ALDH1A1: variants seen among roughly 807,000 people sequenced by gnomAD.
The protein encoded by ALDH1A1 is aldehyde dehydrogenase 1A1.
In ALDH1A1, 19 loss-of-function variants were observed where a neutral mutation model predicts 62.1. That is an observed-to-expected ratio of 0.31 (90% CI 0.21 to 0.45). The LOEUF is 0.45. Ranked by LOEUF, ALDH1A1 falls within the 20% of genes least tolerant of loss-of-function variation. The pLI is 1.00. For missense variants in ALDH1A1, 521 were observed against 607.1 expected (o/e 0.86, Z 1.49); for synonymous variants, 231 against 215.9 (o/e 1.07, Z -0.61).
intron 9 of ALDH1A1, among the ~76,000 whole-genome samples, chr9:72,915,868 G>C (rs963273916): frequency 6.6e-6 from 1 of 152,156 alleles, no homozygotes; most frequent in South Asian, 2.1e-4. Context: ...TTAGTTAATT[G>C]AATTTACTTT....
chr9:72,924,526 T>G (rs1830181301), intron 6 of ALDH1A1, among the ~76,000 whole-genome samples: 1 of 152,224 alleles, frequency 6.6e-6, no homozygotes, highest in Non-Finnish European at 1.5e-5. Context: ...GATCTAACAT[T>G]TTTTAGTTCC....
intron 1 of ALDH1A1, among the ~76,000 whole-genome samples, chr9:72,948,525 A>G (rs1375030362): frequency 1.3e-5 from 2 of 151,836 alleles, no homozygotes; most frequent in Admixed American, 1.3e-4. Flanking sequence ...TGCATGTGGT[A>G]AGACCTCTGG....
At chr9:72,913,755 A>T (rs949995092) in intron 9 of ALDH1A1, among the ~76,000 whole-genome samples, 11 of 152,232 alleles carry the variant, frequency 7.2e-5, no homozygotes, top group Non-Finnish European at 1.3e-4. Flanking sequence ...TGCTACCGAC[A>T]ATGTGGTCCT....
chr9:72,926,569 G>A (rs1178595228), intron 5 of ALDH1A1, among the ~76,000 whole-genome samples: 1 of 152,172 alleles, frequency 6.6e-6, no homozygotes, highest in East Asian at 1.9e-4. Flanking sequence ...GAGGATCTGA[G>A]CCTCTTATCT....
chr9:72,909,536 G>A, intron 11 of ALDH1A1, 66 bp downstream of exon 11: 5 of 1,415,344 alleles, frequency 3.5e-6, no homozygotes, highest in Non-Finnish European at 4.7e-6. Flanking sequence ...GTCTGAAAAA[G>A]TTCAAGGTAG....
chr9:72,940,284 C>A (rs201264487), intron 1 of ALDH1A1, 32 bp from the exon 2 acceptor site: 1 of 1,537,870 alleles, frequency 6.5e-7, no homozygotes, highest in Non-Finnish European at 9.0e-7. Flanking sequence ...ACATACAAGG[C>A]GCTTAAATAT....
chr9:72,923,872 C>T, intron 7 of ALDH1A1, 147 bp downstream of exon 7: 1 of 542,052 alleles, frequency 1.8e-6, no homozygotes. Flanking sequence ...TATATTCTAT[C>T]CATATGTTTG....
At chr9:72,939,836 T>C (rs1385194088) in intron 2 of ALDH1A1, among the ~76,000 whole-genome samples, 1 of 152,120 alleles carries the variant, frequency 6.6e-6, no homozygotes, top group African/African-American at 2.4e-5. Flanking sequence ...CTCTACTTTA[T>C]AACCTATGAT....
rs573672594 is a variant in ALDH1A1, at chr9:72,937,446, G to A, written c.171+2702C>T. ...GGCTTTAAATAAGTATAAAACCCGGGCATGACTGAAGGTTTAGGATATGCC... is the reference window on the plus strand; with the variant it reads ...GGCTTTAAATAAGTATAAAACCCGGACATGACTGAAGGTTTAGGATATGCC... On this transcript the variant is annotated intron_variant, in intron 2 of 12. Coordinates refer to ENST00000297785, the MANE Select transcript of ALDH1A1 (RefSeq NM_000689.5). Among the ~76,000 whole-genome samples, 3 of 152,108 alleles carry A rather than the reference G, an allele frequency of 2.0e-5. No individual in the cohort carries two copies. The South Asian group carries it at 6.2e-4, about 31-fold the overall frequency.
In ALDH1A1 at chr9:72,909,602, C is replaced by G; in HGVS notation, c.1358G>C (p.Trp453Ser). The change falls in exon 11 of 13, where the codon TGG (tryptophan) becomes TCG (serine). Residue 453 changes from tryptophan to serine, a missense_variant and splice_region_variant. Coordinates refer to ENST00000297785, the MANE Select transcript of ALDH1A1 (RefSeq NM_000689.5). The stretch of plus-strand genomic sequence containing the variant: ...GCTACATTCCTTAGGTTGGACTTAC[C>G]ACACTGTTCCTGCCTGCAGAGCAGA... ...ISSALQAGTV[W>S]VNCYGVVSAQ... 1 of 1,609,052 alleles carries G rather than the reference C, an allele frequency of 6.2e-7. No homozygotes were observed. Among genetic ancestry groups the G allele is most frequent in the Non-Finnish European group, 8.5e-7 (1 of 1,178,028 alleles).
intron 1 of ALDH1A1, among the ~76,000 whole-genome samples, chr9:72,948,829 A>C (rs970816665): frequency 6.6e-6 from 1 of 151,840 alleles, no homozygotes; most frequent in Admixed American, 6.6e-5. Context: ...TTGTTAAATA[A>C]GAGGAAGGGA....
At chr9:72,908,168 C>T (rs1829900289) in intron 11 of ALDH1A1, among the ~76,000 whole-genome samples, 1 of 151,774 alleles carries the variant, frequency 6.6e-6, no homozygotes, top group South Asian at 2.1e-4. Flanking sequence ...GCCTGTAATC[C>T]CAGCACCTTG....
chr9:72,923,372 G>T (rs906238321), intron 7 of ALDH1A1, among the ~76,000 whole-genome samples: 1 of 152,020 alleles, frequency 6.6e-6, no homozygotes, highest in East Asian at 1.9e-4. Context: ...TTTTTGCATG[G>T]TACAGTATGC....
At chr9:72,916,334 A>C (rs924649796) in intron 9 of ALDH1A1, among the ~76,000 whole-genome samples, 31 of 151,882 alleles carry the variant, frequency 2.0e-4, no homozygotes, top group African/African-American at 7.5e-4. Context: ...TCTTTGGATA[A>C]GAGAGAGAGA....
At chr9:72,908,603 GAAAGAAAGAAAGAAAGAAAGA>G (rs1360517019) in intron 11 of ALDH1A1, among the ~76,000 whole-genome samples, 7 of 143,584 alleles carry the variant, frequency 4.9e-5, no homozygotes, top group African/African-American at 7.7e-5. Context: ...AAGAAAGAAA[GAAAGAAAGAAAGAAAGAAAGA>G]AAGAGAATAT....
At position 72,940,174 on chromosome 9, in the gene ALDH1A1, G is replaced by A. The variant is rs1830399317; in HGVS notation, c.145C>T (p.Leu49Phe). The A allele has an allele frequency of 6.2e-7, 1 of 1,613,126 alleles. No individual in the cohort carries two copies. The change falls in exon 2 of 13, where the codon CTC (leucine) becomes TTC (phenylalanine). Residue 49 changes from leucine to phenylalanine, a missense_variant. Coordinates refer to ENST00000297785, the MANE Select transcript of ALDH1A1 (RefSeq NM_000689.5). ...TTATCTCCTTCTTCTACCTGGCAGA[G>A]CTCCTCCTCAGTTGCAGGATTAAAG... Reference protein sequence around the residue: ...PVFNPATEEELCQVEEGDKED... With the variant: ...PVFNPATEEEFCQVEEGDKED...
chr9:72,908,595 GAAAGAAAGAA>G, intron 11 of ALDH1A1, among the ~76,000 whole-genome samples: 1 of 143,858 alleles, frequency 7.0e-6, no homozygotes, highest in Non-Finnish European at 1.5e-5. Flanking sequence ...AAGAAAGAAA[GAAAGAAAGAA>G]AGAAAGAAAG....
chr9:72,924,558 G>A (rs994807924), intron 6 of ALDH1A1, among the ~76,000 whole-genome samples: 10 of 152,112 alleles, frequency 6.6e-5, no homozygotes, highest in African/African-American at 2.4e-4. Flanking sequence ...GATTGTTGAG[G>A]GCATAACTGC....
chr9:72,908,563 GAAAGAAAGAA>G (rs1564622584), intron 11 of ALDH1A1, among the ~76,000 whole-genome samples: 2 of 18,938 alleles, frequency 1.1e-4, no homozygotes, highest in Admixed American at 6.7e-4. Flanking sequence ...AAGAAAGAAA[GAAAGAAAGAA>G]AGAAAGAAAG....
Sources: gnomAD v4.1 joint callset for allele counts (sites outside exome capture counted in the v4.1 genomes callset) on GRCh38, gnomAD v4.1.1 for gene constraint, MANE v1.5 for transcripts, NCBI Gene and HGNC (gene_info 2026-07-23, HGNC 2026-07-21) for gene names.